The following CDK14 variants were observed in gnomAD, a reference collection of about 807,000 sequenced individuals.
The protein encoded by CDK14 is cyclin dependent kinase 14.
In CDK14, 34 loss-of-function variants were observed where a neutral mutation model predicts 60.7. The ratio of observed to expected loss-of-function variants is 0.56; its 90% CI spans 0.43 to 0.75. The LOEUF (loss-of-function observed/expected upper bound fraction) is 0.75. Among genes scored for constraint, CDK14 ranks in the 30% least tolerant of loss-of-function variants. CDK14 has a pLI of 0.00. For synonymous variants in CDK14, 197 were observed against 203.7 expected (o/e 0.97, Z 0.28); for missense variants, 482 against 564.1 (o/e 0.85, Z 1.47).
intron 11 of CDK14, among the ~76,000 whole-genome samples, chr7:91,058,861 TTC>T (rs1387607545): frequency 1.3e-5 from 2 of 152,344 alleles, no homozygotes; most frequent in East Asian, 3.9e-4. Flanking sequence ...TGGTCTAAAA[TTC>T]TCTTTTTTTG....
intron 4 of CDK14, among the ~76,000 whole-genome samples, chr7:90,779,224 G>T (rs1418957500): frequency 6.6e-6 from 1 of 152,096 alleles, no homozygotes; most frequent in Non-Finnish European, 1.5e-5. Flanking sequence ...TTGTACTCCA[G>T]CCTGGGCAAC....
chr7:90,661,357 G>A (rs1014304527), intron 2 of CDK14, among the ~76,000 whole-genome samples: 2 of 152,154 alleles, frequency 1.3e-5, no homozygotes, highest in African/African-American at 4.8e-5. Flanking sequence ...GACAGCTTAC[G>A]TAAATTGCAC....
chr7:90,699,537 A>G (rs949801143), intron 2 of CDK14, among the ~76,000 whole-genome samples: 3 of 152,176 alleles, frequency 2.0e-5, no homozygotes, highest in Non-Finnish European at 4.4e-5. Context: ...CATTATTCTT[A>G]ATCTAGCTGT....
intron 11 of CDK14, among the ~76,000 whole-genome samples, chr7:91,057,985 A>G (rs1363554017): frequency 3.3e-5 from 5 of 151,934 alleles, no homozygotes; most frequent in Non-Finnish European, 7.4e-5. Context: ...GAATCTATAA[A>G]TTACCTTGGG....
intron 14 of CDK14, among the ~76,000 whole-genome samples, chr7:91,198,066 G>A (rs575774511): frequency 4.6e-5 from 7 of 152,324 alleles, no homozygotes; most frequent in Admixed American, 4.6e-4. Flanking sequence ...GCTTGGAGTT[G>A]TTGGACCCTC....
At position 90,985,443 on chromosome 7, in the gene CDK14, C is replaced by T. The variant is rs188365635; in HGVS notation, c.1041+1202C>T. Among the ~76,000 whole-genome samples, 125 of 152,168 alleles carry T rather than the reference C, an allele frequency of 8.2e-4. 1 individual carries two copies. The highest frequency in any genetic ancestry group is 5.6e-3 in the South Asian group (27 of 4,814). ...GTAAATACTTTACATATATACAAATCGTTGTTATTTTAATTACATCATTTT... is the reference window on the plus strand; with the variant it reads ...GTAAATACTTTACATATATACAAATTGTTGTTATTTTAATTACATCATTTT... On this transcript the variant is annotated intron_variant, in intron 10 of 14. Transcript: ENST00000380050.
intron 3 of CDK14, among the ~76,000 whole-genome samples, chr7:90,736,936 T>C (rs1259130792): frequency 3.3e-5 from 5 of 152,182 alleles, no homozygotes; most frequent in Non-Finnish European, 1.5e-5. Context: ...GGCTGATTGG[T>C]TTTTTTCTTC....
chr7:91,173,307 C>A (rs1286633968), intron 14 of CDK14, among the ~76,000 whole-genome samples: 1 of 152,066 alleles, frequency 6.6e-6, no homozygotes, highest in African/African-American at 2.4e-5. Flanking sequence ...CAATTAAAGT[C>A]CAGTTTTGGG....
chr7:90,790,686 G>A, intron 5 of CDK14, 34 bp downstream of exon 5: 1 of 1,384,836 alleles, frequency 7.2e-7, no homozygotes, highest in Non-Finnish European at 1.0e-6. Context: ...TTGCTTTTGT[G>A]TTTCTATGGT....
chr7:91,163,856 C>T (rs909559936), intron 14 of CDK14, among the ~76,000 whole-genome samples: 1 of 152,028 alleles, frequency 6.6e-6, no homozygotes, highest in South Asian at 2.1e-4. Context: ...GAGTTTGTAA[C>T]ATTAGTTTTA....
intron 2 of CDK14, among the ~76,000 whole-genome samples, chr7:90,649,149 C>G (rs1031016189): frequency 1.8e-4 from 28 of 152,280 alleles, no homozygotes; most frequent in African/African-American, 6.7e-4. Flanking sequence ...TGGTGGAGAA[C>G]TGAAATGCAG....
In CDK14 at chr7:90,950,732, A is replaced by G. The variant is rs542827727; in HGVS notation, c.827-4965A>G. 2.6e-5 allele frequency among the ~76,000 whole-genome samples: 4 copies of G among 152,300 alleles called. No individual in the cohort carries two copies. The East Asian group carries it at 7.7e-4, about 29-fold the overall frequency. Reference sequence around the variant, plus strand: ...TGGAAGATCTAAGTGGACATTTTTGATTTAGAAACATGAAGCTTTAGGGGA... The same window carrying G: ...TGGAAGATCTAAGTGGACATTTTTGGTTTAGAAACATGAAGCTTTAGGGGA... On this transcript the variant is annotated intron_variant, in intron 8 of 14. Coordinates refer to ENST00000380050, the MANE Select transcript of CDK14 (RefSeq NM_001287135.2).
intron 3 of CDK14, among the ~76,000 whole-genome samples, chr7:90,738,534 A>C (rs986057945): frequency 2.0e-5 from 3 of 152,198 alleles, no homozygotes; most frequent in Admixed American, 1.3e-4. Context: ...ACGGTTCTCT[A>C]TACTTTTATT....
At position 90,659,278 on chromosome 7, in the gene CDK14, G is replaced by A. The variant is rs566824015; in HGVS notation, c.123+55029G>A. Among the ~76,000 whole-genome samples, 13 of 152,272 alleles carry A rather than the reference G, an allele frequency of 8.5e-5. No individual in the cohort carries two copies. In the South Asian group the frequency reaches 2.7e-3, roughly 32 times the overall value. ...GTCTGCACTTTGAGTAAGTGTTAAA[G>A]ATATCAGGGGGAAAATTCACGAACC... On this transcript the variant is annotated intron_variant, in intron 2 of 14. Transcript: ENST00000380050.
rs147131152 is a variant in CDK14, at chr7:90,712,094, T to C, written c.124-14473T>C. 7.9e-5 allele frequency among the ~76,000 whole-genome samples: 12 copies of C among 151,978 alleles called. No individual in the cohort carries two copies. In the East Asian group the frequency reaches 2.3e-3, roughly 29 times the overall value. ...TTTTTTTTTTTCATTTTGGTAGTTA[T>C]GAAGGAGATATTGTATGCTTTGATA... On this transcript the variant is annotated intron_variant, in intron 2 of 14. Transcript: ENST00000380050.
chr7:91,083,326 G>A (rs1798533832), intron 12 of CDK14, among the ~76,000 whole-genome samples: 1 of 152,140 alleles, frequency 6.6e-6, no homozygotes, highest in Admixed American at 6.5e-5. Context: ...AACTCAAAGG[G>A]TGAGCTGCAG....
chr7:90,659,068 G>A (rs1800809983), intron 2 of CDK14, among the ~76,000 whole-genome samples: 1 of 152,090 alleles, frequency 6.6e-6, no homozygotes, highest in South Asian at 2.1e-4. Flanking sequence ...TGGATTTTGG[G>A]GCATAGTGTT....
chr7:90,672,534 T>TTTTTTTTTTG (rs1801118932), intron 2 of CDK14, among the ~76,000 whole-genome samples: 1 of 72,374 alleles, frequency 1.4e-5, no homozygotes. Flanking sequence ...TTTTTTTTTT[T>TTTTTTTTTTG]TTAATAATTT....
At chr7:91,118,000 A>T (rs803167) in intron 13 of CDK14, 65 bp from the exon 14 acceptor site, 613,339 of 658,914 alleles carry the variant, frequency 0.93, 284,961 homozygotes, top group East Asian at 0.98. Context: ...CCATTTTTTT[A>T]AAAAAAAAAC....
Sources: allele counts gnomAD v4.1 joint callset (sites outside exome capture counted in the v4.1 genomes callset), GRCh38; gene constraint gnomAD v4.1.1; transcripts MANE v1.5; gene names NCBI Gene and HGNC (gene_info 2026-07-23, HGNC 2026-07-21).